Variants in SCARF2 observed in about 807,000 individuals in gnomAD.
SCARF2 encodes the protein scavenger receptor class F member 2, also known as scavenger receptor expressed by endothelial cells 2 protein.
SCARF2 carries 39 observed loss-of-function variants against 73.4 expected under a neutral mutation model. The ratio of observed to expected loss-of-function variants is 0.53; its 90% CI spans 0.41 to 0.69. The LOEUF (loss-of-function observed/expected upper bound fraction) is 0.69. Ranked by LOEUF, SCARF2 falls within the 30% of genes least tolerant of loss-of-function variation. SCARF2 has a pLI of 0.00. For synonymous variants in SCARF2, 605 were observed against 590.0 expected, an observed-to-expected ratio of 1.03 and a Z score of -0.37; for missense variants, 1,148 against 1,303.5, an observed-to-expected ratio of 0.88 and a Z score of 1.84.
Position 20,425,230 on chromosome 22 carries a change from G to A in SCARF2, c.*145C>T, listed in dbSNP as rs1390289659. The A allele has an allele frequency of 1.6e-6, 1 of 615,404 alleles. No homozygotes were observed. Among genetic ancestry groups the A allele is most frequent in the East Asian group, 3.5e-5 (1 of 28,804 alleles). 38.1% of individuals were successfully genotyped at this position (615,404 alleles called of 1,614,324 possible). On this transcript the variant is annotated 3_prime_UTR_variant, in exon 11 of 11. Coordinates refer to ENST00000622235, the MANE Select transcript of SCARF2 (RefSeq NM_182895.5). This position sits in a 1 kb window ranked among gnomAD's most constrained non-coding sequence, Gnocchi z 4.6. Reference sequence around the variant, plus strand: ...TGCTCCAATCCAGGAGCGGCTGCAGGACCTGAGCCAATGAGACGCAACCTC... The same window carrying A: ...TGCTCCAATCCAGGAGCGGCTGCAGAACCTGAGCCAATGAGACGCAACCTC...
chr22:20,426,045 GACAGGCCCCCA>G lies in SCARF2; in HGVS notation c.1920_1930del (p.Gly641AlafsTer14). ...CCTGCGCTCGGGCGATGGCGACAGC[GACAGGCCCCCA>G]ATCTCGCCCCGGGCCCGGGCCGGCC... On this transcript the variant is annotated frameshift_variant, in exon 11 of 11. Coordinates refer to ENST00000622235, the MANE Select transcript of SCARF2 (RefSeq NM_182895.5). LOFTEE classifies it low-confidence loss of function (END_TRUNC). 6.3e-7 allele frequency: 1 copy of G among 1,575,680 alleles called. No homozygotes were observed. Among genetic ancestry groups the G allele is most frequent in the Non-Finnish European group, 8.6e-7 (1 of 1,169,588 alleles).
rs769761605 is a variant in SCARF2, at chr22:20,430,487, C to T, written c.1144G>A (p.Gly382Arg). 14 of 1,599,000 alleles carry T rather than the reference C, an allele frequency of 8.8e-6. No individual in the cohort carries two copies. The Admixed American group carries it at 1.4e-4, about 16-fold the overall frequency. Residue 382 changes from glycine to arginine, a missense_variant, in exon 6 of 11, where the codon GGA becomes AGA. Transcript: ENST00000622235. Reference protein sequence around the residue: ...CAFVCADCGSGHCDFQSGRCL... With the variant: ...CAFVCADCGSRHCDFQSGRCL... ...CGCCCCGACTGGAAGTCGCAGTGTC[C>T]GCTGCCGCAGTCGGCGCACACGAAG...
rs1009667825 is a variant in SCARF2 at position 20,431,365 on chromosome 22, C to T, written c.507G>A (p.Ala169=). ...QHGTCHPRSG[A]CRCEPGWWGA... is the part of the protein sequence containing the mutation. ...CCCACCAGCCGGGCTCACAGCGGCA[C>T]GCGCCGCTCCGCGGGTGGCACGTGC... Residue 169 remains alanine (A), a synonymous_variant, in exon 4 of 11, where the codon GCG becomes GCA. Transcript: ENST00000622235. 2 of 1,517,924 alleles carry T rather than the reference C, an allele frequency of 1.3e-6. No homozygotes were observed. Among genetic ancestry groups the T allele is most frequent in the Non-Finnish European group, 1.8e-6 (2 of 1,139,686 alleles). 94.0% of individuals were successfully genotyped at this position (1,517,924 alleles called of 1,614,324 possible).
At chr22:20,428,236 CT>C (rs1444014584) in intron 9 of SCARF2, among the ~76,000 whole-genome samples, 2 of 149,280 alleles carry the variant, frequency 1.3e-5, no homozygotes, top group Non-Finnish European at 3.0e-5. Context: ...CCCTCCCTCC[CT>C]TCCTTCTCTT....
Position 20,425,115 on chromosome 22 carries a change from C to T in SCARF2, c.*260G>A. ...AATGAGACGCTGTCTGGTCGGAGCG[C>T]TCCATAACTCGGCCAATGGGGAGGG... On this transcript the variant is annotated 3_prime_UTR_variant, in exon 11 of 11. Coordinates refer to ENST00000622235, the MANE Select transcript of SCARF2 (RefSeq NM_182895.5). This position sits in a 1 kb window ranked among gnomAD's most constrained non-coding sequence, Gnocchi z 4.6. The T allele has an allele frequency of 5.2e-6, 2 of 387,790 alleles. No individual in the cohort carries two copies. The highest frequency in any genetic ancestry group is 1.3e-3 in the Middle Eastern group (2 of 1,532). The allele number at this position is 387,790 out of a possible 1,614,324, so 24.0% of individuals were successfully genotyped here.
rs1244746377 is a variant in SCARF2, at chr22:20,426,208, A to G, written c.1768T>C (p.Leu590=). The change falls in exon 11 of 11, where the codon TTG becomes CTG. Residue 590 remains leucine, a synonymous_variant. Transcript: ENST00000622235. ...TCCTCGGCGGAGGCTGGCGTGGTCA[A>G]GGGCACAGGGGACGGCGCCGGCGCC... The part of the protein sequence containing the change: ...AEAPAPSPVP[L]TTPASAEEAI... 11 of 1,526,504 alleles carry G rather than the reference A, an allele frequency of 7.2e-6. No homozygotes were observed. Among genetic ancestry groups the G allele is most frequent in the Non-Finnish European group, 9.6e-6 (11 of 1,143,022 alleles). 94.6% of individuals were successfully genotyped at this position (1,526,504 alleles called of 1,614,324 possible). A position where few individuals can be genotyped will look rare whatever the true frequency, so the allele number is the denominator to read the frequency against.
intron 1 of SCARF2, 82 bp downstream of exon 1, chr22:20,437,500 G>T: frequency 7.1e-7 from 1 of 1,411,872 alleles, no homozygotes; most frequent in Non-Finnish European, 9.5e-7. Context: ...GGTTCCGGTA[G>T]CCCCCTCCCA....
At chr22:20,434,896 C>G (rs1359105419) in intron 1 of SCARF2, among the ~76,000 whole-genome samples, 1 of 152,198 alleles carries the variant, frequency 6.6e-6, no homozygotes, top group Non-Finnish European at 1.5e-5. Flanking sequence ...ACCAGCCCGA[C>G]CCTCCTGCTG....
At chr22:20,427,623 G>A in intron 9 of SCARF2, 73 bp from the exon 10 acceptor site, 1 of 1,564,070 alleles carries the variant, frequency 6.4e-7, no homozygotes. Context: ...CCCCTGCTGT[G>A]ACAAATGTTG....
intron 1 of SCARF2, among the ~76,000 whole-genome samples, chr22:20,435,600 C>T (rs1283828845): frequency 6.6e-6 from 1 of 152,214 alleles, no homozygotes; most frequent in Non-Finnish European, 1.5e-5. Flanking sequence ...CTGGATCCTT[C>T]CTGTACTTCC....
chr22:20,432,047 C>T, intron 1 of SCARF2, 59 bp from the exon 2 acceptor site: 1 of 1,534,780 alleles, frequency 6.5e-7, no homozygotes, highest in South Asian at 1.2e-5. Context: ...CCATCTGCTC[C>T]GGGCTCCTCC....
intron 1 of SCARF2, among the ~76,000 whole-genome samples, chr22:20,433,862 C>T (rs912528180): frequency 2.6e-5 from 4 of 152,240 alleles, no homozygotes; most frequent in Non-Finnish European, 4.4e-5. Context: ...GCTTCTGAAC[C>T]ATGTTCACTG....
intron 1 of SCARF2, among the ~76,000 whole-genome samples, chr22:20,432,748 G>A (rs769487623): frequency 1.3e-5 from 2 of 152,150 alleles, no homozygotes; most frequent in Admixed American, 6.5e-5. Flanking sequence ...AAACAGTCTC[G>A]CTCTGTTGCC....
chr22:20,428,285 C>CTCTCT (rs373100154), intron 9 of SCARF2, among the ~76,000 whole-genome samples: 6 of 145,224 alleles, frequency 4.1e-5, no homozygotes, highest in African/African-American at 1.0e-4. Context: ...CTCTCCTCTC[C>CTCTCT]TCTCTTCTCT....
intron 10 of SCARF2, among the ~76,000 whole-genome samples, chr22:20,426,657 G>A (rs149060782): frequency 2.0e-5 from 3 of 152,352 alleles, no homozygotes; most frequent in African/African-American, 7.2e-5. Context: ...GCTTCTAGCT[G>A]GGCGTGGTGG....
chr22:20,430,814 G>T lies in SCARF2; in HGVS notation c.949C>A (p.Pro317Thr). 6.2e-7 allele frequency: 1 copy of T among 1,607,162 alleles called. No homozygotes were observed. The change falls in exon 5 of 11, where the codon CCT (proline) becomes ACT (threonine). Residue 317 changes from proline to threonine, a missense_variant. Coordinates refer to ENST00000622235, the MANE Select transcript of SCARF2 (RefSeq NM_182895.5). ...TCGCCATAGAAACCGGTGGCGCAAG[G>T]CTGGTCGCACTTGGTTCCGTTCCAG... ...PGWNGTKCDQ[P>T]CATGFYGEGC...
In SCARF2 at chr22:20,429,215, T is replaced by G. The variant is rs760548461; in HGVS notation, c.1540+10A>C. Reference sequence around the variant, plus strand: ...TGTTTCTCCCAGATACCCCGCGCTGTCATCCTTACCTACGACTTTGGGTAG... The same window carrying G: ...TGTTTCTCCCAGATACCCCGCGCTGGCATCCTTACCTACGACTTTGGGTAG... On this transcript the variant is annotated intron_variant, in intron 9 of 10. Coordinates refer to ENST00000622235, the MANE Select transcript of SCARF2 (RefSeq NM_182895.5). The surrounding 1 kb of genome is among the most constrained non-coding windows in gnomAD (Gnocchi z 5.2). The G allele has an allele frequency of 3.1e-6, 5 of 1,613,928 alleles. No homozygotes were observed.
At chr22:20,436,396 G>C (rs1213979708) in intron 1 of SCARF2, among the ~76,000 whole-genome samples, 1 of 152,094 alleles carries the variant, frequency 6.6e-6, no homozygotes, top group Non-Finnish European at 1.5e-5. Flanking sequence ...CCCGCCCGCC[G>C]CCGCCGCTGC....
rs758198518 is a variant in SCARF2, at chr22:20,431,057, G to A, written c.815C>T (p.Pro272Leu). 1 of 1,560,000 alleles carries A rather than the reference G, an allele frequency of 6.4e-7. No individual in the cohort carries two copies. Among genetic ancestry groups the A allele is most frequent in the South Asian group, 1.2e-5 (1 of 86,134 alleles). Residue 272 changes from proline to leucine, a missense_variant, in exon 4 of 11, where the codon CCG (proline) becomes CTG (leucine). Physicochemically the swap from Pro to Leu is moderately conservative, Grantham distance 98. Coordinates refer to ENST00000622235, the MANE Select transcript of SCARF2 (RefSeq NM_182895.5). ...CAAGCCGTAGAAGCCGGCGGGGCAC[G>A]GCTCGCGACAGTACTTGCCGCGGTA... ...PGYRGKYCRE[P>L]CPAGFYGLGC... is the part of the protein sequence containing the mutation.
Sources: allele counts gnomAD v4.1 joint callset (sites outside exome capture counted in the v4.1 genomes callset), GRCh38; gene constraint gnomAD v4.1.1; non-coding constraint Gnocchi (gnomAD v3.1); transcripts MANE v1.5; gene names NCBI Gene and HGNC (gene_info 2026-07-23, HGNC 2026-07-21).